MSI2: variants seen among roughly 807,000 people sequenced by gnomAD.
MSI2 encodes the protein RNA-binding protein Musashi homolog 2.
A neutral mutation model predicts 45.6 loss-of-function variants in MSI2; 17 were observed. The ratio of observed to expected loss-of-function variants is 0.37; its 90% CI spans 0.26 to 0.56. The LOEUF (loss-of-function observed/expected upper bound fraction) is 0.56. Ranked by LOEUF, MSI2 falls within the 20% of genes least tolerant of loss-of-function variation. The pLI is 0.77. For missense variants in MSI2, 293 were observed against 444.2 expected (o/e 0.66, Z 3.06); for synonymous variants, 156 against 158.2 (o/e 0.99, Z 0.11).
At chr17:57,613,573 T>C (rs1302826440) in intron 8 of MSI2, among the ~76,000 whole-genome samples, 2 of 152,238 alleles carry the variant, frequency 1.3e-5, no homozygotes, top group African/African-American at 4.8e-5. Flanking sequence ...TGGCTTTTGA[T>C]GTAGTGTCTG....
At chr17:57,435,638 G>A (rs544685419) in intron 6 of MSI2, among the ~76,000 whole-genome samples, 61 of 152,296 alleles carry the variant, frequency 4.0e-4, no homozygotes, top group African/African-American at 1.4e-3. Flanking sequence ...AGTCAATACA[G>A]CATGCTCACC....
chr17:57,336,361 A>C (rs564551344), intron 5 of MSI2, among the ~76,000 whole-genome samples: 1 of 152,184 alleles, frequency 6.6e-6, no homozygotes, highest in Non-Finnish European at 1.5e-5. Flanking sequence ...GCGTTTGGAA[A>C]CCTTTCCACA....
chr17:57,651,972 T>A, intron 10 of MSI2, 127 bp from the exon 11 acceptor site: 1 of 824,496 alleles, frequency 1.2e-6, no homozygotes, highest in South Asian at 1.5e-5. Context: ...AAAGCTGCCC[T>A]GTGAAAATCC....
chr17:57,370,354 A>G (rs536092848), intron 5 of MSI2, among the ~76,000 whole-genome samples: 1 of 152,244 alleles, frequency 6.6e-6, no homozygotes, highest in African/African-American at 2.4e-5. Context: ...GATTACGTAT[A>G]TCTTTCCAAA....
chr17:57,450,307 G>A (rs1259389541), intron 6 of MSI2: 1 of 135,950 alleles, frequency 7.4e-6, no homozygotes, highest in Middle Eastern at 3.8e-3. Context: ...AAGAAAGAAA[G>A]AAAGAAAGAA....
At position 57,613,259 on chromosome 17, in the gene MSI2, A is replaced by G. The variant is rs533207497; in HGVS notation, c.538-2711A>G. On this transcript the variant is annotated intron_variant, in intron 8 of 13. Coordinates refer to ENST00000284073, the MANE Select transcript of MSI2 (RefSeq NM_138962.4). Reference sequence around the variant, plus strand: ...GTATGTCTTTTCAGTATTTTTCCCTATATGATATATGCACTTGTTTATTTT... The same window carrying G: ...GTATGTCTTTTCAGTATTTTTCCCTGTATGATATATGCACTTGTTTATTTT... Among the ~76,000 whole-genome samples, 10 of 152,254 alleles carry G rather than the reference A, an allele frequency of 6.6e-5. No homozygotes were observed. The South Asian group carries it at 1.9e-3, about 28-fold the overall frequency.
At chr17:57,346,567 T>C (rs1915630278) in intron 5 of MSI2, among the ~76,000 whole-genome samples, 1 of 152,092 alleles carries the variant, frequency 6.6e-6, no homozygotes, top group Non-Finnish European at 1.5e-5. Context: ...ATCTTTCTTT[T>C]TTTGTTGTTT....
intron 5 of MSI2, among the ~76,000 whole-genome samples, chr17:57,357,055 C>T (rs1327127502): frequency 6.6e-6 from 1 of 152,168 alleles, no homozygotes; most frequent in African/African-American, 2.4e-5. Context: ...CTTCTCGGGG[C>T]TGATTTGTTC....
chr17:57,585,114 C>T (rs1254973880), intron 7 of MSI2, among the ~76,000 whole-genome samples: 2 of 152,094 alleles, frequency 1.3e-5, no homozygotes, highest in Non-Finnish European at 2.9e-5. Flanking sequence ...CACCACCACG[C>T]CCAGCCCTCT....
rs185219750 is a variant in MSI2 at position 57,593,551 on chromosome 17, G to A, written c.455-3317G>A. Reference sequence around the variant, plus strand: ...TGTTTGTCTTTTAAGGACACCTGTCGTTGGATTTAGGGCCCACCCTAAATC... The same window carrying A: ...TGTTTGTCTTTTAAGGACACCTGTCATTGGATTTAGGGCCCACCCTAAATC... On this transcript the variant is annotated intron_variant, in intron 7 of 13. Transcript: ENST00000284073. Among the ~76,000 whole-genome samples, 70 of 152,172 alleles carry A rather than the reference G, an allele frequency of 4.6e-4. No individual in the cohort carries two copies. In the Middle Eastern group the frequency reaches 0.01, roughly 22 times the overall value.
chr17:57,337,781 T>G (rs904066005), intron 5 of MSI2, among the ~76,000 whole-genome samples: 2 of 152,220 alleles, frequency 1.3e-5, no homozygotes, highest in Admixed American at 6.5e-5. Context: ...TGCATGCTCC[T>G]TACAGAAGAT....
intron 7 of MSI2, among the ~76,000 whole-genome samples, chr17:57,588,315 G>GC (rs1390682950): frequency 4.6e-5 from 7 of 152,184 alleles, no homozygotes; most frequent in Non-Finnish European, 1.0e-4. Context: ...CAGCGTGCCT[G>GC]CCCCTTTTCT....
At chr17:57,357,096 C>A (rs950474441) in intron 5 of MSI2, among the ~76,000 whole-genome samples, 1 of 152,108 alleles carries the variant, frequency 6.6e-6, no homozygotes, top group African/African-American at 2.4e-5. Flanking sequence ...CTTGCTCTCT[C>A]CTTAATGATT....
intron 5 of MSI2, among the ~76,000 whole-genome samples, chr17:57,390,455 C>T (rs577865045): frequency 6.6e-6 from 1 of 152,300 alleles, no homozygotes; most frequent in Non-Finnish European, 1.5e-5. Context: ...GACCCCCACC[C>T]CGCAGGCCAT....
intron 6 of MSI2, among the ~76,000 whole-genome samples, chr17:57,441,247 G>GCC (rs1347476746): frequency 6.6e-6 from 1 of 152,098 alleles, no homozygotes; most frequent in Non-Finnish European, 1.5e-5. Flanking sequence ...TCCCTCCAAG[G>GCC]CCCAGGGCTG....
intron 7 of MSI2, among the ~76,000 whole-genome samples, chr17:57,583,236 A>T (rs2088251545): frequency 6.6e-6 from 1 of 152,254 alleles, no homozygotes; most frequent in South Asian, 2.1e-4. Context: ...CTATACCTCC[A>T]TTTACTGGTT....
chr17:57,505,726 T>C (rs2086213309), intron 6 of MSI2, among the ~76,000 whole-genome samples: 1 of 151,768 alleles, frequency 6.6e-6, no homozygotes, highest in Non-Finnish European at 1.5e-5. Context: ...CATCTTGGTT[T>C]GGGGGTGCGG....
chr17:57,271,569 G>C (rs1305340348), intron 5 of MSI2, among the ~76,000 whole-genome samples: 1 of 152,010 alleles, frequency 6.6e-6, no homozygotes, highest in Non-Finnish European at 1.5e-5. Context: ...ATTCCTTGGG[G>C]GTCAAGAGAT....
chr17:57,419,529 A>ATTTTT (rs36114353), intron 6 of MSI2, among the ~76,000 whole-genome samples: 1 of 145,572 alleles, frequency 6.9e-6, no homozygotes. Flanking sequence ...TGCCTGGCTA[A>ATTTTT]TTTTTTTTTT....
Sources: gnomAD v4.1 joint callset for allele counts (sites outside exome capture counted in the v4.1 genomes callset) on GRCh38, gnomAD v4.1.1 for gene constraint, MANE v1.5 for transcripts, NCBI Gene and HGNC (gene_info 2026-07-23, HGNC 2026-07-21) for gene names.